The following PLXNB2 variants were observed in gnomAD, a reference collection of about 807,000 sequenced individuals.
PLXNB2 encodes plexin B2, also known as plexin-B2.
In PLXNB2, 85 loss-of-function variants were observed where a neutral mutation model predicts 202.6. The observed-to-expected ratio is 0.42, with a 90% CI of 0.35 to 0.50. The LOEUF is 0.50. Ranked by LOEUF, PLXNB2 falls within the 20% of genes least tolerant of loss-of-function variation. The probability of loss-of-function intolerance (pLI) is 0.02; values close to 1 mark genes in which losing one functional copy is unlikely to be tolerated. For missense variants in PLXNB2, 2,063 were observed against 2,586.2 expected, an observed-to-expected ratio of 0.80 and a Z score of 4.39; for synonymous variants, 1,239 against 1,137.6, an observed-to-expected ratio of 1.09 and a Z score of -1.79.
chr22:50,304,379 CTTGGT>C (rs1436047339), intron 1 of PLXNB2, among the ~76,000 whole-genome samples: 3 of 152,194 alleles, frequency 2.0e-5, no homozygotes, highest in Non-Finnish European at 2.9e-5. Context: ...CCTTCACACG[CTTGGT>C]CTTCAGAGAG....
chr22:50,296,369 G>GGGTGA (rs1569180958), intron 1 of PLXNB2, among the ~76,000 whole-genome samples: 1 of 151,974 alleles, frequency 6.6e-6, no homozygotes, highest in African/African-American at 2.4e-5. Flanking sequence ...CTATGATTGT[G>GGGTGA]GGCAACAGAG....
intron 1 of PLXNB2, among the ~76,000 whole-genome samples, chr22:50,295,049 G>A (rs910337699): frequency 3.3e-5 from 5 of 152,126 alleles, no homozygotes; most frequent in Admixed American, 6.6e-5. Flanking sequence ...GGCCGGGTGC[G>A]GTGGCTCCCG....
chr22:50,284,801 T>C lies in PLXNB2; in HGVS notation c.2089-136A>G. On this transcript the variant is annotated intron_variant, in intron 11 of 36. Coordinates refer to ENST00000359337, the MANE Select transcript of PLXNB2 (RefSeq NM_012401.4). The surrounding 1 kb of genome is among the most constrained non-coding windows in gnomAD (Gnocchi z 8.0). ...ACCCCACACATGCCCGCCCCTCAGA[T>C]TACCATGCCAGCTGACCCCTCGGCC... is the stretch of plus-strand genomic sequence containing the variant. 1 of 781,550 alleles carries C rather than the reference T, an allele frequency of 1.3e-6. No homozygotes were observed. The highest frequency in any genetic ancestry group is 2.5e-5 in the East Asian group (1 of 40,628). The allele number at this position is 781,550 out of a possible 1,614,324, so 48.4% of individuals were successfully genotyped here.
At position 50,283,387 on chromosome 22, in the gene PLXNB2, C is replaced by T. The variant is rs368564765; in HGVS notation, c.2629G>A (p.Val877Ile). The T allele has an allele frequency of 2.7e-5, 43 of 1,613,150 alleles. 1 individual carries two copies. Among genetic ancestry groups the T allele is most frequent in the South Asian group, 1.6e-4 (15 of 91,090 alleles). The change falls in exon 16 of 37, where the codon GTC becomes ATC. Residue 877 changes from valine to isoleucine, a missense_variant. Physicochemically the swap from Val to Ile is conservative, Grantham distance 29. Coordinates refer to ENST00000359337, the MANE Select transcript of PLXNB2 (RefSeq NM_012401.4). ...GGCGAACGGCCCAGTTTCCCGAAGA[C>T]GTCCACCTCGACACCCCCCGTGAAA... The part of the protein sequence containing the change: ...TPFTGGVEVD[V>I]FGKLGRSPPN...
chr22:50,285,949 C>T (rs1303836107), intron 10 of PLXNB2, 41 bp downstream of exon 10: 2 of 1,606,886 alleles, frequency 1.2e-6, no homozygotes, highest in East Asian at 4.5e-5. Flanking sequence ...AGCGGAGCAG[C>T]CATGCCCTGA....
intron 1 of PLXNB2, among the ~76,000 whole-genome samples, chr22:50,296,970 G>A (rs996555227): frequency 6.6e-6 from 1 of 152,214 alleles, no homozygotes; most frequent in African/African-American, 2.4e-5. Flanking sequence ...CCAAAGGGCT[G>A]GGGAGAGGAT....
chr22:50,287,332 G>A lies in PLXNB2; in HGVS notation c.1609-68C>T, dbSNP rs563385255. The A allele has an allele frequency of 1.1e-4, 157 of 1,435,366 alleles. No individual in the cohort carries two copies. In the African/African-American group the frequency reaches 2.0e-3, roughly 19 times the overall value. 88.9% of individuals were successfully genotyped at this position (1,435,366 alleles called of 1,614,324 possible). ...CTGTCAGCCCACCTGCCGGTGACCC[G>A]ACCTCCCTGCGTGTGTGGGCGCACG... On this transcript the variant is annotated intron_variant, in intron 7 of 36. Transcript: ENST00000359337.
At position 50,282,053 on chromosome 22, in the gene PLXNB2, T is replaced by C. The variant is rs1428841737; in HGVS notation, c.3146A>G (p.Asn1049Ser). 8 of 1,612,372 alleles carry C rather than the reference T, an allele frequency of 5.0e-6. No homozygotes were observed. In the Admixed American group the frequency reaches 8.3e-5, roughly 17 times the overall value. ...TVVGTDYVFH[N>S]DTKVVFLSPA... ...GGACAGGAAGACGACCTTGGTGTCA[T>C]TGTGGAACACGTAGTCTGTACCCAC... The change falls in exon 20 of 37, where the codon AAT becomes AGT. Residue 1049 changes from asparagine to serine, a missense_variant. Coordinates refer to ENST00000359337, the MANE Select transcript of PLXNB2 (RefSeq NM_012401.4).
chr22:50,289,085 G>A lies in PLXNB2; in HGVS notation c.1126C>T (p.Arg376Cys), dbSNP rs370637750. 1.2e-4 allele frequency: 185 copies of A among 1,599,170 alleles called. No homozygotes were observed. Among genetic ancestry groups the A allele is most frequent in the Non-Finnish European group, 1.2e-4 (142 of 1,173,278 alleles). Residue 376 changes from arginine to cysteine, a missense_variant, in exon 4 of 37, where the codon CGC becomes TGC. Transcript: ENST00000359337. The surrounding 1 kb of genome is among the most constrained non-coding windows in gnomAD (Gnocchi z 8.0). ...ACGGCTGTGCCTCTGAGCCCGTCGC[G>A]GCTGCCCAGCGGGTAGGGCAGGTGC... is the stretch of plus-strand genomic sequence containing the variant. ...SEHLPYPLGS[R>C]DGLRGTAVLQ...
In PLXNB2 at chr22:50,289,741, C is replaced by T. The variant is rs200815418; in HGVS notation, c.844G>A (p.Ala282Thr). The change falls in exon 3 of 37, where the codon GCC (alanine) becomes ACC (threonine). Residue 282 changes from alanine to threonine, a missense_variant. Coordinates refer to ENST00000359337, the MANE Select transcript of PLXNB2 (RefSeq NM_012401.4). The surrounding 1 kb of genome is among the most constrained non-coding windows in gnomAD (Gnocchi z 8.0). ...HAAAFGTCLA[A>T]SVAAPGSGRV... ...CCAGAGCCAGGCGCAGCCACGGAGG[C>T]GGCCAGGCAGGTGCCAAAGGCAGCG... The T allele has an allele frequency of 4.3e-5, 69 of 1,612,422 alleles. No individual in the cohort carries two copies. Among genetic ancestry groups the T allele is most frequent in the East Asian group, 6.7e-5 (3 of 44,888 alleles).
In PLXNB2 at chr22:50,288,797, GC is replaced by G. The variant is rs758988755; in HGVS notation, c.1325del (p.Arg442ProfsTer15). 1 of 1,613,188 alleles carries G rather than the reference GC, an allele frequency of 6.2e-7. No homozygotes were observed. Among genetic ancestry groups the G allele is most frequent in the Non-Finnish European group, 8.5e-7 (1 of 1,179,970 alleles). ...ILVEINKRVK[R>X]DLVLSGDLGS... Reference sequence around the variant, plus strand: ...CCAGGTCTCCAGACAGTACCAGGTCGCGCTTGACTCTCTTGTTTATCTCCAC... The same window carrying G: ...CCAGGTCTCCAGACAGTACCAGGTCGGCTTGACTCTCTTGTTTATCTCCAC... On this transcript the variant is annotated frameshift_variant, in exon 5 of 37. Coordinates refer to ENST00000359337, the MANE Select transcript of PLXNB2 (RefSeq NM_012401.4). LOFTEE classifies it high-confidence loss of function. This position sits in a 1 kb window ranked among gnomAD's most constrained non-coding sequence, Gnocchi z 5.0.
At chr22:50,298,388 C>T (rs2067429046) in intron 1 of PLXNB2, among the ~76,000 whole-genome samples, 1 of 151,972 alleles carries the variant, frequency 6.6e-6, no homozygotes, top group South Asian at 2.1e-4. Context: ...TTCTGACCAG[C>T]AGCCCCCAGG....
Position 50,282,197 on chromosome 22 carries a change from A to G in PLXNB2, c.3104T>C (p.Leu1035Pro). Reference sequence around the variant, plus strand: ...GCCAGGACTGACCGTCATGGGCTGCAGGGATTCAGCCTCCCGCGGCGGCTG... The same window carrying G: ...GCCAGGACTGACCGTCATGGGCTGCGGGGATTCAGCCTCCCGCGGCGGCTG... Reference protein sequence around the residue: ...SWQPPREAESLQPMTVVGTDY... With the variant: ...SWQPPREAESPQPMTVVGTDY... Residue 1035 changes from leucine (L) to proline (P), a missense_variant, in exon 19 of 37, where the codon CTG (leucine) becomes CCG (proline). By Grantham distance (98) the Leu-to-Pro change is moderately conservative (BLOSUM62 -3). Around this residue, in one of 2 missense-constraint regions of PLXNB2, gnomAD observed 1,303 missense variants for 1,476.8 expected, o/e 0.88. Transcript: ENST00000359337. The G allele has an allele frequency of 1.2e-6, 2 of 1,610,822 alleles. No individual in the cohort carries two copies. Among genetic ancestry groups the G allele is most frequent in the South Asian group, 1.1e-5 (1 of 90,870 alleles).
intron 7 of PLXNB2, 147 bp downstream of exon 7, chr22:50,287,520 G>A (rs1161629080): frequency 3.9e-5 from 36 of 925,340 alleles, no homozygotes; most frequent in Non-Finnish European, 5.7e-5. Context: ...ATGGAGGGCG[G>A]GCTCCATCCC....
At position 50,285,906 on chromosome 22, in the gene PLXNB2, G is replaced by T; in HGVS notation, c.1987-5C>A. ...GAACTGGGGACAGCTGTCCTCCTGG[G>T]AGAGTAAGGCTGGTCAGGTGCTGCC... On this transcript the variant is annotated splice_polypyrimidine_tract_variant and splice_region_variant and intron_variant, in intron 10 of 36. Transcript: ENST00000359337. 3 of 1,611,010 alleles carry T rather than the reference G, an allele frequency of 1.9e-6. No individual in the cohort carries two copies. Among genetic ancestry groups the T allele is most frequent in the Non-Finnish European group, 2.5e-6 (3 of 1,178,356 alleles).
chr22:50,282,597 C>T, intron 18 of PLXNB2, 114 bp downstream of exon 18: 1 of 780,072 alleles, frequency 1.3e-6, no homozygotes. Context: ...CCGGAGGCCG[C>T]CTCCCGCTGC....
At chr22:50,280,357 C>A (rs1178853300) in intron 25 of PLXNB2, 132 bp downstream of exon 25, 2 of 839,832 alleles carry the variant, frequency 2.4e-6, no homozygotes, top group Non-Finnish European at 3.5e-6. Flanking sequence ...TAGACCGCCC[C>A]CCACCACCAG....
At chr22:50,283,278 G>C (rs2066154086) in intron 16 of PLXNB2, 59 bp downstream of exon 16, 1 of 1,606,378 alleles carries the variant, frequency 6.2e-7, no homozygotes, top group Non-Finnish European at 8.5e-7. Context: ...GAGGCGGCGG[G>C]CAGAGCCCCT....
Position 50,300,428 on chromosome 22 carries a change from C to T in PLXNB2, c.-73-5650G>A, listed in dbSNP as rs2067610191. On this transcript the variant is annotated intron_variant, in intron 1 of 36. Coordinates refer to ENST00000359337, the MANE Select transcript of PLXNB2 (RefSeq NM_012401.4). ...GCTCGGCCCCTCCCGGCCCAGCTGCCAATCATGCACGACCCTGCCCGGAGC... is the reference window on the plus strand; with the variant it reads ...GCTCGGCCCCTCCCGGCCCAGCTGCTAATCATGCACGACCCTGCCCGGAGC... The T allele has an allele frequency of 7.4e-6, 4 of 538,310 alleles. No individual in the cohort carries two copies. The South Asian group carries it at 2.4e-4, about 33-fold the overall frequency. The allele number at this position is 538,310 out of a possible 1,614,324, so 33.3% of individuals were successfully genotyped here. A position where few individuals can be genotyped will look rare whatever the true frequency, so the allele number is the denominator to read the frequency against.
Sources: allele counts gnomAD v4.1 joint callset (sites outside exome capture counted in the v4.1 genomes callset), GRCh38; gene constraint gnomAD v4.1.1; regional missense constraint gnomAD v4.1.1; non-coding constraint Gnocchi (gnomAD v3.1); transcripts MANE v1.5; gene names NCBI Gene and HGNC (gene_info 2026-07-23, HGNC 2026-07-21).